The following EDEM2 variants were observed in gnomAD, a reference collection of about 807,000 sequenced individuals.
EDEM2 encodes ER degradation enhancing alpha-mannosidase like protein 2.
In EDEM2, 39 loss-of-function variants were observed where a neutral mutation model predicts 64.8. The ratio of observed to expected loss-of-function variants is 0.60; its 90% CI spans 0.47 to 0.79. The LOEUF is 0.79. EDEM2 is among the 30% of genes least tolerant of loss of function. The pLI is 0.00. For missense variants in EDEM2, 609 were observed against 731.3 expected (o/e 0.83, Z 1.93); for synonymous variants, 296 against 291.5 (o/e 1.02, Z -0.16).
At chr20:35,128,270 C>CACTT (rs2085462253) in intron 7 of EDEM2, among the ~76,000 whole-genome samples, 1 of 150,762 alleles carries the variant, frequency 6.6e-6, no homozygotes, top group Admixed American at 6.6e-5. Flanking sequence ...GTAATCCCAG[C>CACTT]TACTCGGGAG....
chr20:35,144,944 C>T (rs777968881), intron 3 of EDEM2, 35 bp downstream of exon 3: 1 of 1,610,724 alleles, frequency 6.2e-7, no homozygotes, highest in Non-Finnish European at 8.5e-7. Flanking sequence ...GGTTATGTAA[C>T]AGTGGAAAGG....
At chr20:35,132,592 T>C (rs1353778200) in intron 6 of EDEM2, among the ~76,000 whole-genome samples, 1 of 152,134 alleles carries the variant, frequency 6.6e-6, no homozygotes. Context: ...AGGGGGAGGT[T>C]GCAGTGAGCC....
At chr20:35,147,028 C>T (rs1365759202) in intron 1 of EDEM2, 93 bp from the exon 2 acceptor site, 2 of 1,552,308 alleles carry the variant, frequency 1.3e-6, no homozygotes, top group Non-Finnish European at 1.7e-6. Flanking sequence ...GAATCACTAG[C>T]TGATTTCTCC....
At chr20:35,132,265 A>C (rs1004613369) in intron 6 of EDEM2, among the ~76,000 whole-genome samples, 1 of 152,070 alleles carries the variant, frequency 6.6e-6, no homozygotes, top group Admixed American at 6.6e-5. Flanking sequence ...AGACAGGGGC[A>C]AAAGGGGACT....
At chr20:35,128,965 C>T (rs543388975) in intron 7 of EDEM2, among the ~76,000 whole-genome samples, 16 of 139,434 alleles carry the variant, frequency 1.1e-4, no homozygotes, top group South Asian at 4.5e-4. Flanking sequence ...AGTAAGCTAA[C>T]GTTAATTTAT....
At chr20:35,143,036 G>A (rs987321585) in intron 3 of EDEM2, among the ~76,000 whole-genome samples, 7 of 152,170 alleles carry the variant, frequency 4.6e-5, no homozygotes, top group Non-Finnish European at 8.8e-5. Context: ...GATTACAGGT[G>A]TGAGCGACCG....
chr20:35,130,579 G>T (rs771738290), intron 7 of EDEM2, among the ~76,000 whole-genome samples: 1 of 151,986 alleles, frequency 6.6e-6, no homozygotes, highest in Non-Finnish European at 1.5e-5. Context: ...GCCCAGGCTG[G>T]TCTCAAACTC....
chr20:35,118,477 T>C (rs1381030241), intron 10 of EDEM2, 121 bp downstream of exon 10: 1 of 1,439,152 alleles, frequency 6.9e-7, no homozygotes, highest in Non-Finnish European at 9.5e-7. Context: ...GAGCATTATG[T>C]ATATCTCCAA....
Position 35,131,636 on chromosome 20 carries a change from T to TCAA in EDEM2, c.844+5_844+6insTTG. 1 of 1,611,844 alleles carries TCAA rather than the reference T, an allele frequency of 6.2e-7. No individual in the cohort carries two copies. Among genetic ancestry groups the TCAA allele is most frequent in the Non-Finnish European group, 8.5e-7 (1 of 1,178,660 alleles). On this transcript the variant is annotated splice_donor_region_variant and intron_variant, in intron 7 of 10. Transcript: ENST00000374492. ...GGGAAAAGCTCCCTTACTCTGCCATTTTTACCTAGGAACATGGCCATGAGC... is the reference window on the plus strand; with the variant it reads ...GGGAAAAGCTCCCTTACTCTGCCATTCAATTTACCTAGGAACATGGCCATGAGC...
intron 9 of EDEM2, among the ~76,000 whole-genome samples, chr20:35,123,579 C>T (rs1011777576): frequency 1.3e-5 from 2 of 151,984 alleles, no homozygotes; most frequent in Non-Finnish European, 2.9e-5. Flanking sequence ...GCAACAATAG[C>T]GAAACTCCAT....
In EDEM2 at chr20:35,138,930, A is replaced by G. The variant is rs915753776; in HGVS notation, c.365-925T>C. Among the ~76,000 whole-genome samples, 7 of 152,246 alleles carry G rather than the reference A, an allele frequency of 4.6e-5. No individual in the cohort carries two copies. The East Asian group carries it at 1.2e-3, about 25-fold the overall frequency. On this transcript the variant is annotated intron_variant, in intron 4 of 10. Transcript: ENST00000374492. ...CACAAAGGTTCTTGGAAATACAGCT[A>G]AATAGATATCCTGAGTGGCCCTCTC...
chr20:35,133,932 G>A (rs2085540866), intron 6 of EDEM2, among the ~76,000 whole-genome samples: 1 of 152,210 alleles, frequency 6.6e-6, no homozygotes, highest in Admixed American at 6.5e-5. Context: ...CGTTACTGCT[G>A]AAGTAACTGA....
chr20:35,144,875 G>C (rs770192610), intron 3 of EDEM2, 104 bp downstream of exon 3: 74 of 1,325,366 alleles, frequency 5.6e-5, no homozygotes, highest in Non-Finnish European at 7.8e-5. Flanking sequence ...CAAATAAAAG[G>C]CCTAGGAGAG....
chr20:35,120,759 G>T (rs1217405440), intron 9 of EDEM2, among the ~76,000 whole-genome samples: 1 of 151,898 alleles, frequency 6.6e-6, no homozygotes, highest in Non-Finnish European at 1.5e-5. Flanking sequence ...CACCGTGCCC[G>T]GCTAATTTTT....
At chr20:35,133,732 G>A (rs1328985109) in intron 6 of EDEM2, among the ~76,000 whole-genome samples, 3 of 152,184 alleles carry the variant, frequency 2.0e-5, no homozygotes, top group Non-Finnish European at 4.4e-5. Context: ...CTCCCAAAGT[G>A]CTGGAATTAC....
intron 6 of EDEM2, among the ~76,000 whole-genome samples, chr20:35,132,174 G>A (rs1164533310): frequency 6.6e-6 from 1 of 152,068 alleles, no homozygotes; most frequent in Non-Finnish European, 1.5e-5. Flanking sequence ...CGTGCTTTAC[G>A]TATTTCCATA....
rs141094910 is a variant in EDEM2, at chr20:35,133,757, G to A, written c.702+981C>T. ...GCTGGAATTACAGGCGTGAGCCACC[G>A]CACCCAGCCTTAGGGGGGCACCTTC... is the stretch of plus-strand genomic sequence containing the variant. On this transcript the variant is annotated intron_variant, in intron 6 of 10. Transcript: ENST00000374492. Among the ~76,000 whole-genome samples, 679 of 152,172 alleles carry A rather than the reference G, an allele frequency of 4.5e-3. 2 individuals are homozygous for A. Among genetic ancestry groups the A allele is most frequent in the African/African-American group, 0.016 (647 of 41,522 alleles).
intron 6 of EDEM2, among the ~76,000 whole-genome samples, chr20:35,133,495 T>C (rs2085534331): frequency 6.6e-6 from 1 of 151,716 alleles, no homozygotes; most frequent in Admixed American, 6.6e-5. Flanking sequence ...AGATGGAGTT[T>C]CGCTCTTGTT....
At position 35,134,915 on chromosome 20, in the gene EDEM2, T is replaced by G; in HGVS notation, c.525A>C (p.Thr175=). ...FQTPTGMPYG[T]VNLLHGVNPG... is the part of the protein sequence containing the mutation. Reference sequence around the variant, plus strand: ...GGTTCACGCCATGAAGTAAGTTCACTGTTCCATATGGCATGCCAGTGGGGG... The same window carrying G: ...GGTTCACGCCATGAAGTAAGTTCACGGTTCCATATGGCATGCCAGTGGGGG... The change falls in exon 6 of 11, where the codon ACA becomes ACC. Residue 175 remains threonine (T), a synonymous_variant. Transcript: ENST00000374492. 1 of 1,614,196 alleles carries G rather than the reference T, an allele frequency of 6.2e-7. No individual in the cohort carries two copies. Among genetic ancestry groups the G allele is most frequent in the Non-Finnish European group, 8.5e-7 (1 of 1,180,042 alleles).
Sources: gnomAD v4.1 joint callset for allele counts (sites outside exome capture counted in the v4.1 genomes callset) on GRCh38, gnomAD v4.1.1 for gene constraint, MANE v1.5 for transcripts, NCBI Gene and HGNC (gene_info 2026-07-23, HGNC 2026-07-21) for gene names.